Variants in OXR1 observed in about 807,000 individuals in gnomAD.
The protein encoded by OXR1 is oxidation resistance protein 1.
A neutral mutation model predicts 104.6 loss-of-function variants in OXR1; 41 were observed. That is an observed-to-expected ratio of 0.39 (90% CI 0.31 to 0.51). OXR1 has a LOEUF of 0.51. Ranked by LOEUF, OXR1 falls within the 20% of genes least tolerant of loss-of-function variation. OXR1 has a pLI of 0.77. For synonymous variants in OXR1, 348 were observed against 348.4 expected (o/e 1.00, Z 0.01); for missense variants, 955 against 1,031.9 (o/e 0.93, Z 1.02).
chr8:106,667,981 G>GA (rs1036838580), intron 3 of OXR1, among the ~76,000 whole-genome samples: 1 of 148,256 alleles, frequency 6.7e-6, no homozygotes, highest in Non-Finnish European at 1.5e-5. Context: ...AAAAAAAAAA[G>GA]AAAAAAAATT....
At chr8:106,437,273 T>A (rs1819617789) in intron 2 of OXR1, among the ~76,000 whole-genome samples, 1 of 152,202 alleles carries the variant, frequency 6.6e-6, no homozygotes, top group African/African-American at 2.4e-5. Flanking sequence ...AGGTAAATAC[T>A]ATTTCTAGAA....
At chr8:106,608,395 G>T (rs1223333658) in intron 3 of OXR1, among the ~76,000 whole-genome samples, 1 of 152,050 alleles carries the variant, frequency 6.6e-6, no homozygotes, top group Non-Finnish European at 1.5e-5. Context: ...ATCTTTCAAT[G>T]GCCTAATGAC....
At chr8:106,615,337 C>T (rs1189024931) in intron 3 of OXR1, among the ~76,000 whole-genome samples, 1 of 151,810 alleles carries the variant, frequency 6.6e-6, no homozygotes, top group East Asian at 1.9e-4. Flanking sequence ...GAGGCTGAGG[C>T]AGGAGAATCA....
At chr8:106,556,774 T>A (rs1816314562) in intron 3 of OXR1, among the ~76,000 whole-genome samples, 1 of 152,154 alleles carries the variant, frequency 6.6e-6, no homozygotes, top group Non-Finnish European at 1.5e-5. Context: ...ACATAATCTT[T>A]CCTCACTGAT....
At chr8:106,630,868 A>G (rs1401897395) in intron 3 of OXR1, among the ~76,000 whole-genome samples, 1 of 152,206 alleles carries the variant, frequency 6.6e-6, no homozygotes, top group African/African-American at 2.4e-5. Flanking sequence ...GCTCTTAACA[A>G]TGAGCACCAA....
intron 16 of OXR1, among the ~76,000 whole-genome samples, chr8:106,747,082 G>A (rs1835456530): frequency 6.6e-6 from 1 of 152,176 alleles, no homozygotes; most frequent in Non-Finnish European, 1.5e-5. Context: ...ACTACAGGGA[G>A]TTGATATTCC....
At chr8:106,580,146 T>A (rs963225379) in intron 3 of OXR1, among the ~76,000 whole-genome samples, 1 of 152,202 alleles carries the variant, frequency 6.6e-6, no homozygotes, top group African/African-American at 2.4e-5. Context: ...TTTAAGTGTA[T>A]GGTTCAGTAG....
chr8:106,313,647 G>C (rs931258996), intron 1 of OXR1, among the ~76,000 whole-genome samples: 2 of 151,534 alleles, frequency 1.3e-5, no homozygotes, highest in African/African-American at 4.9e-5. Context: ...TTCTCCTTTT[G>C]CTAGGACAAA....
At chr8:106,315,865 A>G (rs531332553) in intron 1 of OXR1, among the ~76,000 whole-genome samples, 5 of 152,312 alleles carry the variant, frequency 3.3e-5, no homozygotes, top group African/African-American at 9.6e-5. Flanking sequence ...CAAATTGGAA[A>G]CAAGAGGCAT....
chr8:106,391,934 G>A (rs1817600265), intron 2 of OXR1, among the ~76,000 whole-genome samples: 1 of 152,102 alleles, frequency 6.6e-6, no homozygotes, highest in Non-Finnish European at 1.5e-5. Flanking sequence ...AGAGAATTAG[G>A]GAGACACCAG....
At chr8:106,708,391 G>A (rs1051651847) in intron 9 of OXR1, among the ~76,000 whole-genome samples, 4 of 152,018 alleles carry the variant, frequency 2.6e-5, no homozygotes, top group Non-Finnish European at 5.9e-5. Context: ...AGAGCAAGAT[G>A]CTGTCTCAAA....
At chr8:106,278,927 G>C (rs868469176) in intron 1 of OXR1, among the ~76,000 whole-genome samples, 1 of 152,150 alleles carries the variant, frequency 6.6e-6, no homozygotes, top group African/African-American at 2.4e-5. Context: ...GTATGTCAGT[G>C]TAGCAATTGG....
At chr8:106,595,358 T>C (rs1318980194) in intron 3 of OXR1, among the ~76,000 whole-genome samples, 1 of 151,898 alleles carries the variant, frequency 6.6e-6, no homozygotes, top group African/African-American at 2.4e-5. Context: ...GAGACAAGCC[T>C]GGCCAACATA....
chr8:106,396,224 G>A (rs978057032), intron 2 of OXR1, among the ~76,000 whole-genome samples: 26 of 152,052 alleles, frequency 1.7e-4, no homozygotes, highest in African/African-American at 6.0e-4. Context: ...GCTGGAAAGT[G>A]GGTCATATTT....
chr8:106,384,578 A>G (rs1437051004), intron 2 of OXR1, among the ~76,000 whole-genome samples: 4 of 152,146 alleles, frequency 2.6e-5, no homozygotes, highest in African/African-American at 7.2e-5. Flanking sequence ...TATCTTAGGT[A>G]TATTTCGAAA....
chr8:106,528,727 A>G (rs1040843272), intron 3 of OXR1, among the ~76,000 whole-genome samples: 1 of 152,194 alleles, frequency 6.6e-6, no homozygotes, highest in African/African-American at 2.4e-5. Context: ...AAAGGAAAAA[A>G]CTAATCTTGC....
chr8:106,681,666 A>G (rs1205392110), intron 4 of OXR1, among the ~76,000 whole-genome samples: 5 of 152,120 alleles, frequency 3.3e-5, no homozygotes, highest in African/African-American at 1.2e-4. Context: ...CTGGGACTAC[A>G]GGCATGCATC....
At chr8:106,606,904 C>A (rs76354852) in intron 3 of OXR1, among the ~76,000 whole-genome samples, 4,382 of 152,036 alleles carry the variant, frequency 0.029, 217 homozygotes, top group African/African-American at 0.1. Context: ...GTTCTTAACC[C>A]AAAGGAAGAA....
At chr8:106,654,290 A>T (rs1038178497) in intron 3 of OXR1, among the ~76,000 whole-genome samples, 2 of 152,136 alleles carry the variant, frequency 1.3e-5, no homozygotes, top group Admixed American at 1.3e-4. Flanking sequence ...ACACTTTCCA[A>T]TTTCAAAACT....
Sources: gnomAD v4.1 joint callset for allele counts (sites outside exome capture counted in the v4.1 genomes callset) on GRCh38, gnomAD v4.1.1 for gene constraint, MANE v1.5 for transcripts, NCBI Gene and HGNC (gene_info 2026-07-23, HGNC 2026-07-21) for gene names.